The following UGGT2 variants were observed in gnomAD, a reference collection of about 807,000 sequenced individuals.
UGGT2 encodes the protein UDP-glucose:glycoprotein glucosyltransferase 2.
In UGGT2, 180 loss-of-function variants were observed where a neutral mutation model predicts 192.1. The observed-to-expected ratio is 0.94, with a 90% CI of 0.83 to 1.06. The LOEUF is 1.06. Ranked by LOEUF, UGGT2 falls within the 50% of genes least tolerant of loss-of-function variation. UGGT2 has a pLI of 0.00. For missense variants in UGGT2, 1,849 were observed against 1,795.7 expected, an observed-to-expected ratio of 1.03 and a Z score of -0.54; for synonymous variants, 580 against 591.0, an observed-to-expected ratio of 0.98 and a Z score of 0.27.
chr13:95,894,589 T>A lies in UGGT2; in HGVS notation c.2828A>T (p.Asp943Val). 1 of 1,610,558 alleles carries A rather than the reference T, an allele frequency of 6.2e-7. No individual in the cohort carries two copies. The highest frequency in any genetic ancestry group is 1.3e-5 in the African/African-American group (1 of 74,842). The change falls in exon 24 of 39, where the codon GAT becomes GTT. Residue 943 changes from aspartate (D) to valine (V), a missense_variant. Coordinates refer to ENST00000376747, the MANE Select transcript of UGGT2 (RefSeq NM_020121.4). Reference sequence around the variant, plus strand: ...GTGATTCTCCCTAAGAAATGTGACATCATATCGAGATGCACGCTTAGGCAC... The same window carrying A: ...GTGATTCTCCCTAAGAAATGTGACAACATATCGAGATGCACGCTTAGGCAC... ...SSVPKRASRY[D>V]VTFLRENHSV...
chr13:96,044,333 T>C (rs2053246188), intron 1 of UGGT2, among the ~76,000 whole-genome samples: 1 of 152,116 alleles, frequency 6.6e-6, no homozygotes, highest in African/African-American at 2.4e-5. Context: ...ACACAACCTA[T>C]CAAAACCTCT....
chr13:96,009,868 T>C (rs2052101346), intron 5 of UGGT2, among the ~76,000 whole-genome samples: 1 of 151,988 alleles, frequency 6.6e-6, no homozygotes, highest in African/African-American at 2.4e-5. Context: ...AGACATATGA[T>C]ATGGCCAAAA....
chr13:95,827,122 C>A (rs1190963146), intron 38 of UGGT2, among the ~76,000 whole-genome samples: 1 of 152,072 alleles, frequency 6.6e-6, no homozygotes, highest in Non-Finnish European at 1.5e-5. Context: ...AGGCAACAAT[C>A]CTCTAGAAAA....
chr13:95,996,245 T>A, intron 6 of UGGT2, 110 bp from the exon 7 acceptor site: 1 of 907,944 alleles, frequency 1.1e-6, no homozygotes, highest in Non-Finnish European at 1.7e-6. Context: ...CTCATGCCTG[T>A]AATCCCAGCA....
At chr13:95,853,875 A>G (rs1399099179) in intron 35 of UGGT2, among the ~76,000 whole-genome samples, 2 of 152,114 alleles carry the variant, frequency 1.3e-5, no homozygotes, top group Admixed American at 1.3e-4. Context: ...TTTTAGGGTC[A>G]CCCCAAGATT....
intron 1 of UGGT2, among the ~76,000 whole-genome samples, chr13:96,045,393 A>G (rs942513387): frequency 3.9e-5 from 6 of 152,204 alleles, no homozygotes; most frequent in South Asian, 2.1e-4. Flanking sequence ...TGAATGGGGA[A>G]AAGTTTAAAG....
At chr13:95,811,691 A>G (rs1884589712) in intron 38 of UGGT2, among the ~76,000 whole-genome samples, 2 of 152,194 alleles carry the variant, frequency 1.3e-5, no homozygotes, top group African/African-American at 2.4e-5. Flanking sequence ...TTAATAATAT[A>G]TAATAGTAAA....
intron 4 of UGGT2, among the ~76,000 whole-genome samples, chr13:96,018,523 TAAATAA>T (rs2052409298): frequency 6.6e-6 from 1 of 151,746 alleles, no homozygotes; most frequent in South Asian, 2.1e-4. Flanking sequence ...CTCAAAAAAA[TAAATAA>T]ATAAAACAAA....
intron 7 of UGGT2, among the ~76,000 whole-genome samples, chr13:95,992,131 A>G (rs769205031): frequency 6.6e-6 from 1 of 152,176 alleles, no homozygotes; most frequent in Non-Finnish European, 1.5e-5. Flanking sequence ...CCCCTGCACT[A>G]CAGCCTGGGT....
rs34072664 is a variant in UGGT2 at position 96,000,863 on chromosome 13, TAA to T, written c.661-1558_661-1557del. 7.3e-5 allele frequency among the ~76,000 whole-genome samples: 11 copies of T among 150,408 alleles called. No homozygotes were observed. In the East Asian group the frequency reaches 7.8e-4, roughly 11 times the overall value. On this transcript the variant is annotated intron_variant, in intron 5 of 38. Transcript: ENST00000376747. ...AAACCAAACTACCAAATCAACAGGT[TAA>T]AAAAAAAAATCTTTGTTTTTCTATT...
chr13:95,980,461 G>A (rs182811067), intron 10 of UGGT2, among the ~76,000 whole-genome samples: 21 of 152,094 alleles, frequency 1.4e-4, no homozygotes, highest in Non-Finnish European at 2.6e-4. Flanking sequence ...GGGAAAGGGC[G>A]GGGGGTGGCA....
At chr13:95,935,111 T>G (rs1594376418) in intron 17 of UGGT2, among the ~76,000 whole-genome samples, 1 of 152,206 alleles carries the variant, frequency 6.6e-6, no homozygotes, top group African/African-American at 2.4e-5. Context: ...GCCCGTCTCC[T>G]GTAGACAGCA....
intron 33 of UGGT2, among the ~76,000 whole-genome samples, chr13:95,857,670 C>A (rs1402784309): frequency 6.6e-6 from 1 of 151,992 alleles, no homozygotes; most frequent in Non-Finnish European, 1.5e-5. Flanking sequence ...GATTTGTGCA[C>A]TTTTCTGAGT....
At chr13:95,965,803 C>G (rs9562003) in intron 12 of UGGT2, among the ~76,000 whole-genome samples, 1 of 151,802 alleles carries the variant, frequency 6.6e-6, no homozygotes, top group Admixed American at 6.6e-5. Context: ...TGTTCAACAT[C>G]ACTAATTATT....
chr13:95,970,673 C>T (rs2050743950), intron 11 of UGGT2, among the ~76,000 whole-genome samples: 1 of 152,088 alleles, frequency 6.6e-6, no homozygotes, highest in African/African-American at 2.4e-5. Flanking sequence ...TCCATTAAAT[C>T]ATGAAGTTCA....
At chr13:95,826,805 C>A (rs4147076) in intron 38 of UGGT2, among the ~76,000 whole-genome samples, 1 of 65,086 alleles carries the variant, frequency 1.5e-5, no homozygotes, top group African/African-American at 4.3e-5. Flanking sequence ...TCCCACACAG[C>A]CCCCCAAGAA....
intron 38 of UGGT2, among the ~76,000 whole-genome samples, chr13:95,823,290 T>C (rs753237974): frequency 3.9e-5 from 6 of 152,092 alleles, no homozygotes; most frequent in Non-Finnish European, 7.4e-5. Context: ...GCTAAGTCCA[T>C]TTGTTTTAGG....
intron 19 of UGGT2, 52 bp downstream of exon 19, chr13:95,926,976 T>G: frequency 2.0e-6 from 3 of 1,484,680 alleles, no homozygotes; most frequent in Middle Eastern, 2.4e-4. Flanking sequence ...CTTATGAACA[T>G]TACAAGTTTC....
chr13:95,805,835 G>A (rs1251391458), intron 38 of UGGT2, among the ~76,000 whole-genome samples: 1 of 151,888 alleles, frequency 6.6e-6, no homozygotes, highest in Non-Finnish European at 1.5e-5. Context: ...AAAAGTTCTG[G>A]AGTTCTATTT....
Sources: gnomAD v4.1 joint callset for allele counts (sites outside exome capture counted in the v4.1 genomes callset) on GRCh38, gnomAD v4.1.1 for gene constraint, MANE v1.5 for transcripts, NCBI Gene and HGNC (gene_info 2026-07-23, HGNC 2026-07-21) for gene names.